Variants in SPDYE3 observed in about 807,000 individuals in gnomAD.
SPDYE3 encodes speedy/RINGO cell cycle regulator family member E3, also known as speedy protein E3.
A neutral mutation model predicts 55.0 loss-of-function variants in SPDYE3; 15 were observed. The ratio of observed to expected loss-of-function variants is 0.27; its 90% CI spans 0.18 to 0.42. The LOEUF (loss-of-function observed/expected upper bound fraction) is 0.42. Ranked by LOEUF, SPDYE3 falls within the 10% of genes least tolerant of loss-of-function variation. The pLI, the probability that SPDYE3 is intolerant of heterozygous loss-of-function variation, is 1.00. For synonymous variants in SPDYE3, 89 were observed against 229.9 expected, an observed-to-expected ratio of 0.39 and a Z score of 5.55; for missense variants, 236 against 576.7, an observed-to-expected ratio of 0.41 and a Z score of 6.05.
At chr7:100,316,987 C>T in intron 7 of SPDYE3, 83 bp from the exon 8 acceptor site, 1 of 1,596,316 alleles carries the variant, frequency 6.3e-7, no homozygotes. Flanking sequence ...CAACCCCTCC[C>T]CAGACCCCCA....
chr7:100,317,586 CAG>C (rs1806134136), intron 8 of SPDYE3, among the ~76,000 whole-genome samples: 1 of 148,630 alleles, frequency 6.7e-6, no homozygotes, highest in Middle Eastern at 3.2e-3. Context: ...GCCTGGGCAA[CAG>C]AGTGAGACTT....
At position 100,317,849 on chromosome 7, in the gene SPDYE3, A is replaced by G. The variant is rs111834330; in HGVS notation, c.1346+694A>G. Among the ~76,000 whole-genome samples, 4 of 149,700 alleles carry G rather than the reference A, an allele frequency of 2.7e-5. No homozygotes were observed. The East Asian group carries it at 5.9e-4, about 22-fold the overall frequency. ...AAATTAGCCAGGTGTGGTGGCGGGC[A>G]CCTGTAGTCCCAGCTACTCGGGAGG... is the stretch of plus-strand genomic sequence containing the variant. On this transcript the variant is annotated intron_variant, in intron 8 of 10. Coordinates refer to ENST00000332397, the MANE Select transcript of SPDYE3 (RefSeq NM_001004351.5).
At chr7:100,308,912 G>A in intron 1 of SPDYE3, 62 bp from the exon 2 acceptor site, 1 of 596,486 alleles carries the variant, frequency 1.7e-6, no homozygotes, top group African/African-American at 1.9e-5. Flanking sequence ...TGGGGTTTGG[G>A]GTCGGGGTCT....
Position 100,318,206 on chromosome 7 carries a change from T to C in SPDYE3, c.1346+1051T>C, listed in dbSNP as rs1806156753. On this transcript the variant is annotated intron_variant, in intron 8 of 10. Coordinates refer to ENST00000332397, the MANE Select transcript of SPDYE3 (RefSeq NM_001004351.5). Reference sequence around the variant, plus strand: ...CCCCTTGCATCACTTGAATCCACTGTCAAATGCTCCCTGCTGGGGTCTCCT... The same window carrying C: ...CCCCTTGCATCACTTGAATCCACTGCCAAATGCTCCCTGCTGGGGTCTCCT... 2.6e-5 allele frequency among the ~76,000 whole-genome samples: 4 copies of C among 152,098 alleles called. No homozygotes were observed. In the South Asian group the frequency reaches 8.3e-4, roughly 32 times the overall value.
intron 8 of SPDYE3, among the ~76,000 whole-genome samples, chr7:100,318,938 G>A (rs1199060313): frequency 6.7e-6 from 1 of 148,320 alleles, no homozygotes; most frequent in Non-Finnish European, 1.5e-5. Context: ...CAAGACAAGA[G>A]TGTTGCTGTG....
rs1300573326 is a variant in SPDYE3 at position 100,308,352 on chromosome 7, A to C, written c.106+361A>C. Among the ~76,000 whole-genome samples the C allele has an allele frequency of 9.4e-5, 14 of 149,462 alleles. No individual in the cohort carries two copies. In the East Asian group the frequency reaches 2.5e-3, roughly 27 times the overall value. On this transcript the variant is annotated intron_variant, in intron 1 of 10. Transcript: ENST00000332397. ...TCTCAAAAAAAAAAAAAAAAAAAGA[A>C]GAAGAAAAAAAAGAAGGGTCAGAGG...
chr7:100,319,679 G>T lies in SPDYE3; in HGVS notation c.1461G>T (p.Gln487His). 2 of 1,614,228 alleles carry T rather than the reference G, an allele frequency of 1.2e-6. No individual in the cohort carries two copies. The highest frequency in any genetic ancestry group is 3.3e-5 in the Admixed American group (2 of 60,028). ...CCTTGCGCCCTAAGCATTGGTTCCA[G>T]TTATGCCGTCCCATGAACCCGAGGG... is the stretch of plus-strand genomic sequence containing the variant. ...HIPLRPKHWF[Q>H]LCRPMNPRAR... The change falls in exon 9 of 11, where the codon CAG (glutamine) becomes CAT (histidine). Residue 487 changes from glutamine (Q) to histidine (H), a missense_variant. Gln to His is a conservative substitution (Grantham distance 24). Coordinates refer to ENST00000332397, the MANE Select transcript of SPDYE3 (RefSeq NM_001004351.5).
intron 8 of SPDYE3, among the ~76,000 whole-genome samples, chr7:100,318,598 C>T (rs1393740252): frequency 6.6e-6 from 1 of 152,198 alleles, no homozygotes; most frequent in African/African-American, 2.4e-5. Flanking sequence ...ATGCCCGTAG[C>T]TCTCCAGTTA....
rs1789580938 is a variant in SPDYE3, at chr7:100,321,514, C to T, written c.*669C>T. ...ATTTTTAAGTGAGAATTCTTTTTAT[C>T]CTAAATCTTTTATTATCTTTAAATT... is the stretch of plus-strand genomic sequence containing the variant. On this transcript the variant is annotated 3_prime_UTR_variant, in exon 11 of 11. Transcript: ENST00000332397. 1 of 160,070 alleles carries T rather than the reference C, an allele frequency of 6.2e-6. No individual in the cohort carries two copies. Among genetic ancestry groups the T allele is most frequent in the Non-Finnish European group, 1.4e-5 (1 of 73,218 alleles). 9.9% of individuals were successfully genotyped at this position (160,070 alleles called of 1,614,324 possible).
At chr7:100,308,214 C>T (rs1379313594) in intron 1 of SPDYE3, among the ~76,000 whole-genome samples, 4 of 150,942 alleles carry the variant, frequency 2.7e-5, no homozygotes, top group Non-Finnish European at 5.9e-5. Context: ...GCCTATAATC[C>T]CAGCTACTCG....
chr7:100,308,547 A>AAGT (rs1208270395), intron 1 of SPDYE3, among the ~76,000 whole-genome samples: 2 of 151,856 alleles, frequency 1.3e-5, no homozygotes, highest in Non-Finnish European at 2.9e-5. Context: ...CGTCTCTACT[A>AAGT]AAAGTACAAA....
intron 7 of SPDYE3, among the ~76,000 whole-genome samples, 180 bp downstream of exon 7, chr7:100,316,023 G>A (rs1806098261): frequency 6.6e-6 from 1 of 151,930 alleles, no homozygotes; most frequent in Non-Finnish European, 1.5e-5. Context: ...CCAGGCTGGA[G>A]GGCAGTGTCT....
At position 100,321,690 on chromosome 7, in the gene SPDYE3, T is replaced by C. The variant is rs535228668; in HGVS notation, c.*845T>C. ...TTGCTGTTTAGGTTTGTGACTGAATTGTGAGAATTCAGTTGTGATTTTTAA... is the reference window on the plus strand; with the variant it reads ...TTGCTGTTTAGGTTTGTGACTGAATCGTGAGAATTCAGTTGTGATTTTTAA... On this transcript the variant is annotated 3_prime_UTR_variant, in exon 11 of 11. Coordinates refer to ENST00000332397, the MANE Select transcript of SPDYE3 (RefSeq NM_001004351.5). The C allele has an allele frequency of 6.6e-6, 1 of 151,620 alleles. No homozygotes were observed. Among genetic ancestry groups the C allele is most frequent in the South Asian group, 2.1e-4 (1 of 4,834 alleles). 9.4% of individuals were successfully genotyped at this position (151,620 alleles called of 1,614,324 possible). A position where few individuals can be genotyped will look rare whatever the true frequency, so the allele number is the denominator to read the frequency against.
intron 6 of SPDYE3, among the ~76,000 whole-genome samples, chr7:100,315,512 C>G (rs951181571): frequency 6.6e-6 from 1 of 152,066 alleles, no homozygotes; most frequent in African/African-American, 2.4e-5. Flanking sequence ...GTGGTCCCTC[C>G]GTGTCTGCTG....
At chr7:100,312,766 C>G (rs1489148924) in intron 4 of SPDYE3, among the ~76,000 whole-genome samples, 1 of 136,834 alleles carries the variant, frequency 7.3e-6, no homozygotes, top group South Asian at 2.4e-4. Flanking sequence ...ATCCCAGCTA[C>G]CTGAGAGGCT....
Position 100,307,903 on chromosome 7 carries a change from G to A in SPDYE3, c.18G>A (p.Pro6=), listed in dbSNP as rs772082399. 18 of 1,584,036 alleles carry A rather than the reference G, an allele frequency of 1.1e-5. No individual in the cohort carries two copies. The African/African-American group carries it at 1.2e-4, about 11-fold the overall frequency. MTSHQ[P]QPQEEQSPQR... Reference sequence around the variant, plus strand: ...GAAAGATCATGACGAGCCATCAACCGCAGCCCCAGGAAGAGCAGAGCCCCC... The same window carrying A: ...GAAAGATCATGACGAGCCATCAACCACAGCCCCAGGAAGAGCAGAGCCCCC... The change falls in exon 1 of 11, where the codon CCG becomes CCA. Residue 6 remains proline (P), a synonymous_variant. Transcript: ENST00000332397.
chr7:100,310,017 A>T (rs1805921984), intron 2 of SPDYE3, among the ~76,000 whole-genome samples: 3 of 137,746 alleles, frequency 2.2e-5, no homozygotes, highest in African/African-American at 7.9e-5. Flanking sequence ...AATAACTGGA[A>T]TCCGGGAGAT....
At chr7:100,317,202 A>G (rs1454369304) in intron 8 of SPDYE3, 47 bp downstream of exon 8, 1 of 1,604,512 alleles carries the variant, frequency 6.2e-7, no homozygotes. Context: ...ACGCCCTGGG[A>G]CAGCGGGGGA....
In SPDYE3 at chr7:100,322,170, T is replaced by C. The variant is rs1276988572; in HGVS notation, c.*1325T>C. The C allele has an allele frequency of 6.6e-6, 1 of 152,050 alleles. No homozygotes were observed. Among genetic ancestry groups the C allele is most frequent in the East Asian group, 1.9e-4 (1 of 5,194 alleles). 9.4% of individuals were successfully genotyped at this position (152,050 alleles called of 1,614,324 possible). On this transcript the variant is annotated 3_prime_UTR_variant, in exon 11 of 11. Transcript: ENST00000332397. Reference sequence around the variant, plus strand: ...ATGTGGTAGTTCCCCTAAATTCTTGTAAAAATAAATTTTTATTTGATATTT... The same window carrying C: ...ATGTGGTAGTTCCCCTAAATTCTTGCAAAAATAAATTTTTATTTGATATTT...
Sources: allele counts gnomAD v4.1 joint callset (sites outside exome capture counted in the v4.1 genomes callset), GRCh38; gene constraint gnomAD v4.1.1; transcripts MANE v1.5; gene names NCBI Gene and HGNC (gene_info 2026-07-23, HGNC 2026-07-21).